Variants in TRIM33 observed in about 807,000 individuals in gnomAD.
The protein encoded by TRIM33 is E3 ubiquitin-protein ligase TRIM33.
In TRIM33, 20 loss-of-function variants were observed where a neutral mutation model predicts 125.4. The ratio of observed to expected loss-of-function variants is 0.16; its 90% CI spans 0.11 to 0.23. The LOEUF is 0.23. Ranked by LOEUF, TRIM33 falls within the 10% of genes least tolerant of loss-of-function variation. The pLI, the probability that TRIM33 is intolerant of heterozygous loss-of-function variation, is 1.00. For missense variants in TRIM33, 920 were observed against 1,411.4 expected, an observed-to-expected ratio of 0.65 and a Z score of 5.58; for synonymous variants, 564 against 513.9, an observed-to-expected ratio of 1.10 and a Z score of -1.32.
chr1:114,503,657 A>G (rs1652834417), intron 1 of TRIM33, among the ~76,000 whole-genome samples: 1 of 152,206 alleles, frequency 6.6e-6, no homozygotes, highest in Non-Finnish European at 1.5e-5. Context: ...TCTCTTCAGG[A>G]AAGTCTTTAA....
intron 1 of TRIM33, among the ~76,000 whole-genome samples, chr1:114,499,420 C>T (rs1056359966): frequency 2.0e-5 from 3 of 151,452 alleles, no homozygotes; most frequent in African/African-American, 7.3e-5. Context: ...ATCTGACCAA[C>T]AGCATGGAAA....
chr1:114,507,985 T>C (rs1305615304), intron 1 of TRIM33, among the ~76,000 whole-genome samples: 1 of 152,062 alleles, frequency 6.6e-6, no homozygotes, highest in African/African-American at 2.4e-5. Context: ...GGCGTGGTGA[T>C]ATGCGCCTGC....
At chr1:114,456,432 C>T (rs1649629400) in intron 4 of TRIM33, among the ~76,000 whole-genome samples, 1 of 152,146 alleles carries the variant, frequency 6.6e-6, no homozygotes, top group South Asian at 2.1e-4. Flanking sequence ...AAGCAGATGG[C>T]TCATGGAGAC....
At chr1:114,435,877 CTTTTTTTTTTT>C (rs34327766) in intron 4 of TRIM33, among the ~76,000 whole-genome samples, 3,122 of 73,356 alleles carry the variant, frequency 0.043, 88 homozygotes, top group Non-Finnish European at 0.052. Flanking sequence ...TAGACACCCG[CTTTTTTTTTTT>C]TTTTTTTTTT....
intron 1 of TRIM33, among the ~76,000 whole-genome samples, chr1:114,486,430 T>C (rs545612576): frequency 1.9e-4 from 28 of 150,834 alleles, no homozygotes; most frequent in Non-Finnish European, 8.8e-5. Context: ...AAGACCAGCC[T>C]GACCAACATG....
intron 11 of TRIM33, among the ~76,000 whole-genome samples, chr1:114,420,117 AT>A (rs1465799762): frequency 6.6e-6 from 1 of 152,220 alleles, no homozygotes; most frequent in Non-Finnish European, 1.5e-5. Flanking sequence ...GGCAGATTAT[AT>A]TTACGTTTTA....
At chr1:114,480,972 G>C (rs1651293484) in intron 1 of TRIM33, among the ~76,000 whole-genome samples, 1 of 152,108 alleles carries the variant, frequency 6.6e-6, no homozygotes, top group Admixed American at 6.6e-5. Context: ...CGGAGTTTGA[G>C]ACCAGTCTGG....
At chr1:114,490,731 T>C (rs903170275) in intron 1 of TRIM33, 8 of 152,224 alleles carry the variant, frequency 5.3e-5, no homozygotes, top group Admixed American at 2.6e-4. Context: ...ACTGGCTGAC[T>C]TGAAGGTAGT....
intron 1 of TRIM33, among the ~76,000 whole-genome samples, chr1:114,464,891 A>G (rs1650197962): frequency 6.6e-6 from 1 of 152,180 alleles, no homozygotes; most frequent in Non-Finnish European, 1.5e-5. Flanking sequence ...CGGAGAAAAG[A>G]AAGACAGGCA....
intron 11 of TRIM33, among the ~76,000 whole-genome samples, chr1:114,416,961 T>C (rs762316032): frequency 3.3e-5 from 5 of 152,198 alleles, no homozygotes; most frequent in Non-Finnish European, 7.3e-5. Flanking sequence ...CACAGCAGCA[T>C]TATTCCTGAC....
At chr1:114,439,912 GAATT>G (rs1648551849) in intron 4 of TRIM33, among the ~76,000 whole-genome samples, 1 of 152,124 alleles carries the variant, frequency 6.6e-6, no homozygotes, top group Non-Finnish European at 1.5e-5. Flanking sequence ...TTTCAGCCTT[GAATT>G]ATTTATCCAG....
chr1:114,401,363 C>A, intron 17 of TRIM33, 26 bp downstream of exon 17: 2 of 1,600,272 alleles, frequency 1.2e-6, no homozygotes, highest in South Asian at 2.2e-5. Flanking sequence ...GACTTCCCCA[C>A]CGAGCTACTA....
chr1:114,474,101 A>G (rs1267483548), intron 1 of TRIM33, among the ~76,000 whole-genome samples: 2 of 151,962 alleles, frequency 1.3e-5, no homozygotes, highest in East Asian at 1.9e-4. Flanking sequence ...GGGTCTCACT[A>G]TATCACCCAG....
rs115728658 is a variant in TRIM33 at position 114,486,809 on chromosome 1, C to T, written c.527-22421G>A. 6.8e-3 allele frequency among the ~76,000 whole-genome samples: 1,028 copies of T among 151,936 alleles called. 15 individuals carry two copies. Among genetic ancestry groups the T allele is most frequent in the South Asian group, 0.047 (228 of 4,820 alleles). ...AAATTTAAAAATTACTTGAACAGGC[C>T]GGGTGCAGTGGCTCACACCTGTAAC... On this transcript the variant is annotated intron_variant, in intron 1 of 19. Transcript: ENST00000358465.
intron 10 of TRIM33, 114 bp downstream of exon 10, chr1:114,424,477 G>A: frequency 1.2e-6 from 1 of 831,488 alleles, no homozygotes; most frequent in Non-Finnish European, 1.8e-6. Context: ...AGGATATACA[G>A]CATTAATCAA....
At chr1:114,466,553 G>C (rs1006649564) in intron 1 of TRIM33, among the ~76,000 whole-genome samples, 1 of 152,118 alleles carries the variant, frequency 6.6e-6, no homozygotes. Flanking sequence ...GGGTGCACTG[G>C]TGTCCAAGTA....
intron 1 of TRIM33, among the ~76,000 whole-genome samples, chr1:114,485,989 T>C (rs939316842): frequency 1.3e-5 from 2 of 152,110 alleles, no homozygotes; most frequent in South Asian, 4.1e-4. Context: ...CAAAAAGCAA[T>C]ATAAGCCAGG....
intron 4 of TRIM33, among the ~76,000 whole-genome samples, chr1:114,435,790 C>A (rs1648240101): frequency 6.6e-6 from 1 of 151,434 alleles, no homozygotes; most frequent in Admixed American, 6.6e-5. Context: ...GCACTGGAAC[C>A]ATCACGGCTC....
chr1:114,463,724 G>A (rs182871495), intron 2 of TRIM33, among the ~76,000 whole-genome samples, 168 bp from the exon 3 acceptor site: 5 of 150,100 alleles, frequency 3.3e-5, no homozygotes, highest in Non-Finnish European at 5.9e-5. Flanking sequence ...ATTCATGTAG[G>A]TAAAAATCTA....
Sources: allele counts gnomAD v4.1 joint callset (sites outside exome capture counted in the v4.1 genomes callset), GRCh38; gene constraint gnomAD v4.1.1; transcripts MANE v1.5; gene names NCBI Gene and HGNC (gene_info 2026-07-23, HGNC 2026-07-21).